Variants in MYO1B observed in about 807,000 individuals in gnomAD.
The protein encoded by MYO1B is unconventional myosin-Ib.
MYO1B carries 72 observed loss-of-function variants against 159.7 expected under a neutral mutation model. The ratio of observed to expected loss-of-function variants is 0.45; its 90% CI spans 0.37 to 0.55. The LOEUF is 0.55. MYO1B is among the 20% of genes least tolerant of loss of function. MYO1B has a pLI of 0.00. For missense variants in MYO1B, 1,062 were observed against 1,364.8 expected (o/e 0.78, Z 3.50); for synonymous variants, 468 against 473.8 (o/e 0.99, Z 0.16).
At chr2:191,293,767 C>T (rs1374172267) in intron 2 of MYO1B, among the ~76,000 whole-genome samples, 3 of 152,138 alleles carry the variant, frequency 2.0e-5, no homozygotes, top group Admixed American at 6.5e-5. Flanking sequence ...TGACCTCCTA[C>T]CTCATCCTGT....
At chr2:191,310,864 C>A (rs1386606802) in intron 3 of MYO1B, among the ~76,000 whole-genome samples, 7 of 152,096 alleles carry the variant, frequency 4.6e-5, no homozygotes, top group Non-Finnish European at 8.8e-5. Flanking sequence ...TGTGTAAATG[C>A]AATTTTTTAA....
intron 11 of MYO1B, among the ~76,000 whole-genome samples, chr2:191,367,298 G>A (rs1159845379): frequency 6.6e-6 from 1 of 152,146 alleles, no homozygotes; most frequent in Non-Finnish European, 1.5e-5. Context: ...CAGCCAGGTG[G>A]CAAATTGGCA....
chr2:191,295,152 T>A (rs1449997221), intron 2 of MYO1B, among the ~76,000 whole-genome samples: 1 of 152,170 alleles, frequency 6.6e-6, no homozygotes, highest in Admixed American at 6.5e-5. Context: ...CTTTACCACT[T>A]TTGTTGGCAC....
At chr2:191,258,468 G>C (rs1171281718) in intron 1 of MYO1B, among the ~76,000 whole-genome samples, 20 of 152,132 alleles carry the variant, frequency 1.3e-4, no homozygotes, top group Admixed American at 1.3e-3. Context: ...TATAAACACT[G>C]TACACTTAGG....
chr2:191,405,549 C>G (rs1358010190), intron 24 of MYO1B, among the ~76,000 whole-genome samples: 1 of 152,224 alleles, frequency 6.6e-6, no homozygotes, highest in African/African-American at 2.4e-5. Context: ...TTTCTTAAAT[C>G]ATAAGACTGG....
At chr2:191,415,394 C>T (rs1697496633) in intron 29 of MYO1B, among the ~76,000 whole-genome samples, 2 of 152,154 alleles carry the variant, frequency 1.3e-5, no homozygotes, top group African/African-American at 4.8e-5. Flanking sequence ...GAAAAATCCC[C>T]AAAGCTTCCC....
chr2:191,423,182 G>T (rs1698050370), intron 30 of MYO1B, among the ~76,000 whole-genome samples: 1 of 152,158 alleles, frequency 6.6e-6, no homozygotes, highest in South Asian at 2.1e-4. Flanking sequence ...CATAGAGTGT[G>T]TACTTACACA....
At chr2:191,309,113 T>C (rs1232478891) in intron 3 of MYO1B, among the ~76,000 whole-genome samples, 1 of 152,220 alleles carries the variant, frequency 6.6e-6, no homozygotes, top group Non-Finnish European at 1.5e-5. Flanking sequence ...GATCCAGCTA[T>C]GTTGAGCTCT....
rs1256549425 is a variant in MYO1B, at chr2:191,260,253, G to GTTTTTTTTTTTTTTTTTTTT, written c.-10+14627_-10+14628insTTTTTTTTTTTTTTTTTTTT. Among the ~76,000 whole-genome samples, 3 of 22,614 alleles carry GTTTTTTTTTTTTTTTTTTTT rather than the reference G, an allele frequency of 1.3e-4. No homozygotes were observed. In the Non-Finnish European group the frequency reaches 2.3e-3, roughly 18 times the overall value. The allele number at this position is 22,614 out of a possible 152,430, so 14.8% of individuals were successfully genotyped here. On this transcript the variant is annotated intron_variant, in intron 1 of 30. Coordinates refer to ENST00000392318, the MANE Select transcript of MYO1B (RefSeq NM_001130158.3). ...ATAATATTACTTTTTTCCCAGATAG[G>GTTTTTTTTTTTTTTTTTTTT]CTTTTTTTTTTTTTGAATTAAAGCT...
rs533985352 is a variant in MYO1B at position 191,370,133 on chromosome 2, A to G, written c.1120-94A>G. The G allele has an allele frequency of 4.7e-5, 38 of 804,570 alleles. No homozygotes were observed. In the African/African-American group the frequency reaches 5.6e-4, roughly 12 times the overall value. The allele number at this position is 804,570 out of a possible 1,614,324, so 49.8% of individuals were successfully genotyped here. ...TTAGTTATTTTCTTACTTAAGAAAC[A>G]TAATTAATTTGTAATATATATCTAT... is the stretch of plus-strand genomic sequence containing the variant. On this transcript the variant is annotated intron_variant, in intron 12 of 30. Transcript: ENST00000392318.
intron 30 of MYO1B, among the ~76,000 whole-genome samples, chr2:191,422,205 C>T (rs1318865723): frequency 6.6e-6 from 1 of 152,042 alleles, no homozygotes; most frequent in African/African-American, 2.4e-5. Context: ...GAAAACCATC[C>T]CTGAGAATAT....
chr2:191,402,650 C>A lies in MYO1B; in HGVS notation c.2488C>A (p.Arg830Ser). Residue 830 changes from arginine (R) to serine (S), a missense_variant, in exon 24 of 31, where the codon CGC becomes AGC. By Grantham distance (110) the Arg-to-Ser change is moderately radical (BLOSUM62 -1). Coordinates refer to ENST00000392318, the MANE Select transcript of MYO1B (RefSeq NM_001130158.3). ...ATTCTAGGCTCGAAGGGAATTGAAA[C>A]GCTTGAAGGAGGAGGCTAGGCGTAA... ...LGSKARRELK[R>S]LKEEARRKHA... 2 of 1,613,648 alleles carry A rather than the reference C, an allele frequency of 1.2e-6. No homozygotes were observed. Among genetic ancestry groups the A allele is most frequent in the Non-Finnish European group, 1.7e-6 (2 of 1,179,724 alleles).
intron 5 of MYO1B, among the ~76,000 whole-genome samples, chr2:191,344,325 T>A (rs1180422078): frequency 1.3e-5 from 2 of 152,194 alleles, no homozygotes; most frequent in Admixed American, 1.3e-4. Flanking sequence ...AATGGGAACC[T>A]CTCCAGCAAG....
At chr2:191,312,148 T>C (rs113110861) in intron 3 of MYO1B, among the ~76,000 whole-genome samples, 2,182 of 152,326 alleles carry the variant, frequency 0.014, 52 homozygotes, top group African/African-American at 0.05. Context: ...AATAGGACTC[T>C]TAAAATTAAA....
rs892099455 is a variant in MYO1B at position 191,313,586 on chromosome 2, G to T, written c.252-16349G>T. 4.2e-5 allele frequency among the ~76,000 whole-genome samples: 6 copies of T among 144,198 alleles called. No individual in the cohort carries two copies. The South Asian group carries it at 1.1e-3, about 27-fold the overall frequency. The allele number at this position is 144,198 out of a possible 152,430, so 94.6% of individuals were successfully genotyped here. ...TTTTTAGTAGAGACGGGCTTTCACCGTGTTAGCCAGGATGGTCTCGATCTC... is the reference window on the plus strand; with the variant it reads ...TTTTTAGTAGAGACGGGCTTTCACCTTGTTAGCCAGGATGGTCTCGATCTC... On this transcript the variant is annotated intron_variant, in intron 3 of 30. Transcript: ENST00000392318.
chr2:191,420,606 A>G (rs1425837319), intron 30 of MYO1B, among the ~76,000 whole-genome samples: 1 of 152,244 alleles, frequency 6.6e-6, no homozygotes, highest in Non-Finnish European at 1.5e-5. Context: ...AAAATCACCT[A>G]GTGATGCATT....
rs762175060 is a variant in MYO1B, at chr2:191,313,192, C to CTTTTTTTTTTTT, written c.252-16719_252-16708dup. Among the ~76,000 whole-genome samples the CTTTTTTTTTTTT allele has an allele frequency of 1.7e-3, 75 of 43,010 alleles. 13 individuals carry two copies. Among genetic ancestry groups the CTTTTTTTTTTTT allele is most frequent in the Admixed American group, 3.5e-3 (8 of 2,278 alleles). The allele number at this position is 43,010 out of a possible 152,430, so 28.2% of individuals were successfully genotyped here. A position where few individuals can be genotyped will look rare whatever the true frequency, so the allele number is the denominator to read the frequency against. Reference sequence around the variant, plus strand: ...TAGTTATAATATCTGGCACACATGGCTTTTTTTTTTTTTTTTTTTTTTTTT... The same window carrying CTTTTTTTTTTTT: ...TAGTTATAATATCTGGCACACATGGCTTTTTTTTTTTTTTTTTTTTTTTTTTTTTTTTTTTTT... On this transcript the variant is annotated intron_variant, in intron 3 of 30. Coordinates refer to ENST00000392318, the MANE Select transcript of MYO1B (RefSeq NM_001130158.3).
intron 3 of MYO1B, among the ~76,000 whole-genome samples, chr2:191,299,727 A>G (rs1689195854): frequency 6.6e-6 from 1 of 152,242 alleles, no homozygotes; most frequent in Non-Finnish European, 1.5e-5. Context: ...TTTACAAGCT[A>G]TATAATCTTG....
At chr2:191,282,046 A>G (rs750202149) in intron 2 of MYO1B, among the ~76,000 whole-genome samples, 27 of 152,360 alleles carry the variant, frequency 1.8e-4, no homozygotes, top group Non-Finnish European at 3.7e-4. Context: ...TTGATTTAAA[A>G]TATTGTAAAG....
Sources: allele counts gnomAD v4.1 joint callset (sites outside exome capture counted in the v4.1 genomes callset), GRCh38; gene constraint gnomAD v4.1.1; transcripts MANE v1.5; gene names NCBI Gene and HGNC (gene_info 2026-07-23, HGNC 2026-07-21).